TEX2: variants seen among roughly 807,000 people sequenced by gnomAD.
TEX2 encodes testis-expressed protein 2.
A neutral mutation model predicts 106.9 loss-of-function variants in TEX2; 53 were observed. The ratio of observed to expected loss-of-function variants is 0.50; its 90% CI spans 0.40 to 0.62. The LOEUF (loss-of-function observed/expected upper bound fraction) is 0.62, where lower values mean the gene tolerates loss of function less well. Ranked by LOEUF, TEX2 falls within the 20% of genes least tolerant of loss-of-function variation. TEX2 has a pLI of 0.00. For synonymous variants in TEX2, 523 were observed against 534.8 expected, an observed-to-expected ratio of 0.98 and a Z score of 0.30; for missense variants, 1,207 against 1,379.0, an observed-to-expected ratio of 0.88 and a Z score of 1.98.
At position 64,217,819 on chromosome 17, in the gene TEX2, C is replaced by A. The variant is rs962487617; in HGVS notation, c.-25-3577G>T. On this transcript the variant is annotated intron_variant, in intron 1 of 11. Coordinates refer to ENST00000584379, the MANE Select transcript of TEX2 (RefSeq NM_001288732.2). This position sits in a 1 kb window ranked among gnomAD's most constrained non-coding sequence, Gnocchi z 4.3. The stretch of plus-strand genomic sequence containing the variant: ...AAGCCCTTGGGTTTTAACACTGACC[C>A]CCCAAGCCTTGTGATGGGAAGGAGA... 3.9e-5 allele frequency among the ~76,000 whole-genome samples: 6 copies of A among 152,304 alleles called. 1 individual carries two copies. The South Asian group carries it at 1.2e-3, about 32-fold the overall frequency.
At chr17:64,163,387 G>A (rs1253973500) in intron 7 of TEX2, among the ~76,000 whole-genome samples, 1 of 152,130 alleles carries the variant, frequency 6.6e-6, no homozygotes, top group Admixed American at 6.5e-5. Flanking sequence ...ACCTGCCTTG[G>A]CCTCCCAAAG....
rs778980554 is a variant in TEX2 at position 64,147,635 on chromosome 17, G to A, written c.*1334C>T. On this transcript the variant is annotated 3_prime_UTR_variant, in exon 12 of 12. Transcript: ENST00000584379. ...ACACGTGGACTCTGACAGGCAGATCGGCCTACACAACGAAAAATCAGAACA... is the reference window on the plus strand; with the variant it reads ...ACACGTGGACTCTGACAGGCAGATCAGCCTACACAACGAAAAATCAGAACA... The A allele has an allele frequency of 1.3e-5, 2 of 152,488 alleles. No homozygotes were observed. Among genetic ancestry groups the A allele is most frequent in the East Asian group, 1.9e-4 (1 of 5,200 alleles). The allele number at this position is 152,488 out of a possible 1,614,324, so 9.4% of individuals were successfully genotyped here.
chr17:64,235,087 C>A (rs2143347625), intron 1 of TEX2, among the ~76,000 whole-genome samples: 1 of 152,312 alleles, frequency 6.6e-6, no homozygotes, highest in South Asian at 2.1e-4. Flanking sequence ...CCAACAAGAA[C>A]AACAATCAAC....
intron 5 of TEX2, among the ~76,000 whole-genome samples, chr17:64,180,937 AC>A (rs1390147371): frequency 4.6e-5 from 7 of 152,084 alleles, no homozygotes; most frequent in Admixed American, 6.5e-5. Flanking sequence ...TTTTGGCCGC[AC>A]CCAGTGTACC....
At chr17:64,253,180 C>T (rs1279631490) in intron 1 of TEX2, among the ~76,000 whole-genome samples, 1 of 152,136 alleles carries the variant, frequency 6.6e-6, no homozygotes, top group Middle Eastern at 3.2e-3. Context: ...GTCTCTGTCA[C>T]CCAGGCTGGA....
chr17:64,252,937 T>C (rs573309942), intron 1 of TEX2, among the ~76,000 whole-genome samples: 2 of 152,112 alleles, frequency 1.3e-5, no homozygotes, highest in African/African-American at 4.8e-5. Context: ...TCCTAAAAAG[T>C]CTAGCTCCCT....
chr17:64,223,374 T>TTTC lies in TEX2; in HGVS notation c.-25-9133_-25-9132insGAA, dbSNP rs1459225267. Among the ~76,000 whole-genome samples, 7 of 145,916 alleles carry TTTC rather than the reference T, an allele frequency of 4.8e-5. No individual in the cohort carries two copies. In the South Asian group the frequency reaches 1.3e-3, roughly 27 times the overall value. On this transcript the variant is annotated intron_variant, in intron 1 of 11. Coordinates refer to ENST00000584379, the MANE Select transcript of TEX2 (RefSeq NM_001288732.2). ...GAATCTGGCTTTTTTTTTTTTTTTT[T>TTTC]CACTTTTTTTCTTTGGTCTCATTTT...
intron 2 of TEX2, among the ~76,000 whole-genome samples, chr17:64,196,573 T>C (rs1227284100): frequency 1.3e-5 from 2 of 152,088 alleles, no homozygotes; most frequent in Non-Finnish European, 2.9e-5. Context: ...GAAGAGGCGT[T>C]TGTGAGGAAA....
At chr17:64,162,739 T>C (rs1025616985) in intron 7 of TEX2, among the ~76,000 whole-genome samples, 13 of 152,110 alleles carry the variant, frequency 8.5e-5, no homozygotes, top group African/African-American at 1.2e-4. Context: ...GTCACATAGA[T>C]TGGGGCTTGT....
chr17:64,167,018 G>A (rs921609633), intron 7 of TEX2, among the ~76,000 whole-genome samples: 2 of 152,198 alleles, frequency 1.3e-5, no homozygotes, highest in African/African-American at 4.8e-5. Flanking sequence ...GGAGTGAGGA[G>A]GCGTCAGAGC....
chr17:64,179,449 T>C (rs1298228176), intron 5 of TEX2, among the ~76,000 whole-genome samples: 1 of 152,198 alleles, frequency 6.6e-6, no homozygotes, highest in African/African-American at 2.4e-5. Flanking sequence ...TGGGTGCCCT[T>C]ACACAGTGTG....
intron 4 of TEX2, 46 bp downstream of exon 4, chr17:64,193,513 A>C (rs763965113): frequency 9.4e-6 from 13 of 1,377,448 alleles, no homozygotes; most frequent in Non-Finnish European, 1.2e-5. Context: ...TATTCTCCCT[A>C]GTGGCCCTTT....
At chr17:64,208,313 A>G (rs563648055) in intron 2 of TEX2, among the ~76,000 whole-genome samples, 1 of 151,864 alleles carries the variant, frequency 6.6e-6, no homozygotes, top group African/African-American at 2.4e-5. Context: ...ATCACGGCTC[A>G]GTGCAGCCTT....
intron 4 of TEX2, among the ~76,000 whole-genome samples, chr17:64,192,527 G>A (rs1224305783): frequency 6.6e-6 from 1 of 152,244 alleles, no homozygotes; most frequent in Non-Finnish European, 1.5e-5. Context: ...CCAGCCTCCA[G>A]TACTGTGAGA....
intron 5 of TEX2, among the ~76,000 whole-genome samples, chr17:64,180,704 A>C (rs1288644144): frequency 6.6e-6 from 1 of 152,262 alleles, no homozygotes; most frequent in African/African-American, 2.4e-5. Flanking sequence ...GTAACTTTCC[A>C]AAAATGGCTT....
At chr17:64,206,582 C>G (rs1414309257) in intron 2 of TEX2, among the ~76,000 whole-genome samples, 4 of 93,452 alleles carry the variant, frequency 4.3e-5, no homozygotes, top group Admixed American at 1.5e-4. Context: ...TTTTTTGAGA[C>G]GGAGTTTCGT....
intron 1 of TEX2, among the ~76,000 whole-genome samples, chr17:64,251,951 A>C (rs2034101237): frequency 6.6e-6 from 1 of 152,176 alleles, no homozygotes; most frequent in South Asian, 2.1e-4. Flanking sequence ...AGAAAGGTGC[A>C]AATATGAGCA....
At chr17:64,230,406 C>A in intron 1 of TEX2, among the ~76,000 whole-genome samples, 1 of 152,352 alleles carries the variant, frequency 6.6e-6, no homozygotes, top group Non-Finnish European at 1.5e-5. Flanking sequence ...GTTCCTGGCA[C>A]AGGCATGGTC....
chr17:64,170,335 G>A (rs190587885), intron 7 of TEX2, among the ~76,000 whole-genome samples: 1 of 152,304 alleles, frequency 6.6e-6, no homozygotes, highest in Non-Finnish European at 1.5e-5. Flanking sequence ...AGACATGAAA[G>A]TCAAAAAATC....
Sources: gnomAD v4.1 joint callset for allele counts (sites outside exome capture counted in the v4.1 genomes callset) on GRCh38, gnomAD v4.1.1 for gene constraint, Gnocchi (gnomAD v3.1) non-coding constraint, MANE v1.5 for transcripts, NCBI Gene and HGNC (gene_info 2026-07-23, HGNC 2026-07-21) for gene names.